The following ADAMTS12 variants were observed in gnomAD, a reference collection of about 807,000 sequenced individuals.
The protein encoded by ADAMTS12 is ADAM metallopeptidase with thrombospondin type 1 motif 12.
In ADAMTS12, 118 loss-of-function variants were observed where a neutral mutation model predicts 167.8. That is an observed-to-expected ratio of 0.70 (90% confidence interval 0.61 to 0.82). The LOEUF (loss-of-function observed/expected upper bound fraction) is 0.82. ADAMTS12 is among the 40% of genes least tolerant of loss of function. The pLI is 0.00. For synonymous variants in ADAMTS12, 704 were observed against 716.9 expected, an observed-to-expected ratio of 0.98 and a Z score of 0.29; for missense variants, 1,916 against 1,998.8, an observed-to-expected ratio of 0.96 and a Z score of 0.79.
intron 2 of ADAMTS12, among the ~76,000 whole-genome samples, chr5:33,776,266 T>C (rs182366131): frequency 1.3e-3 from 193 of 152,244 alleles, no homozygotes; most frequent in Middle Eastern, 6.8e-3. Flanking sequence ...AGCAGCAAAA[T>C]ATATATTCTT....
chr5:33,627,175 G>T (rs887020560), intron 13 of ADAMTS12, among the ~76,000 whole-genome samples: 1 of 148,032 alleles, frequency 6.8e-6, no homozygotes, highest in Admixed American at 6.7e-5. Context: ...GGTAATGGAG[G>T]TAGTGATGAG....
At chr5:33,662,830 C>G (rs564287574) in intron 5 of ADAMTS12, among the ~76,000 whole-genome samples, 9 of 152,202 alleles carry the variant, frequency 5.9e-5, no homozygotes, top group Non-Finnish European at 1.0e-4. Context: ...ATTACTTTCC[C>G]TTGCCTCATT....
At chr5:33,568,621 C>A (rs1390688803) in intron 19 of ADAMTS12, among the ~76,000 whole-genome samples, 1 of 152,158 alleles carries the variant, frequency 6.6e-6, no homozygotes, top group African/African-American at 2.4e-5. Flanking sequence ...CTCATCAGGA[C>A]CACGAAAAGG....
At chr5:33,880,205 T>C (rs1750377282) in intron 2 of ADAMTS12, among the ~76,000 whole-genome samples, 1 of 152,208 alleles carries the variant, frequency 6.6e-6, no homozygotes. Flanking sequence ...CTCCAAACTG[T>C]CTCATCTGCT....
intron 2 of ADAMTS12, among the ~76,000 whole-genome samples, chr5:33,846,656 G>A (rs2253625): frequency 0.034 from 5,110 of 152,178 alleles, 233 homozygotes; most frequent in East Asian, 0.2. Flanking sequence ...GATGGGGGTG[G>A]GGGTAGCTAC....
chr5:33,567,082 T>G (rs1036317269), intron 19 of ADAMTS12, among the ~76,000 whole-genome samples: 1 of 152,204 alleles, frequency 6.6e-6, no homozygotes, highest in African/African-American at 2.4e-5. Context: ...ACATTACTTG[T>G]TGGGCTTTAT....
Position 33,883,079 on chromosome 5 carries a change from C to A in ADAMTS12, c.128-1599G>T, listed in dbSNP as rs547375852. The stretch of plus-strand genomic sequence containing the variant: ...TATTCTCCTAGTGTCCCTGGCTAAA[C>A]TTCTCTCTCCTTTCCCTGAACCCTC... On this transcript the variant is annotated intron_variant, in intron 1 of 23. Transcript: ENST00000504830. 9.8e-5 allele frequency among the ~76,000 whole-genome samples: 15 copies of A among 152,292 alleles called. No individual in the cohort carries two copies. In the South Asian group the frequency reaches 3.1e-3, roughly 32 times the overall value.
intron 16 of ADAMTS12, among the ~76,000 whole-genome samples, chr5:33,604,631 G>C (rs1452848301): frequency 7.0e-6 from 1 of 142,976 alleles, no homozygotes; most frequent in African/African-American, 2.6e-5. Context: ...TTCTAATCAA[G>C]AGCTCAGCCG....
At position 33,595,973 on chromosome 5, in the gene ADAMTS12, C is replaced by T; in HGVS notation, c.2615G>A (p.Gly872Glu). ...CTTTTCATGGCACTTCTTCTGTCTC[C>T]CATTGGGCTGTGTTTCTGGGTCACA... ...TFCDPETQPNGRQKKCHEKAC... is the reference protein window; with the variant it reads ...TFCDPETQPNERQKKCHEKAC... Residue 872 changes from glycine to glutamate, a missense_variant, in exon 17 of 24, where the codon GGG becomes GAG. Transcript: ENST00000504830. 1 of 1,614,114 alleles carries T rather than the reference C, an allele frequency of 6.2e-7. No homozygotes were observed. The highest frequency in any genetic ancestry group is 8.5e-7 in the Non-Finnish European group (1 of 1,179,980).
At chr5:33,762,123 TG>T (rs1745379721) in intron 2 of ADAMTS12, among the ~76,000 whole-genome samples, 1 of 149,726 alleles carries the variant, frequency 6.7e-6, no homozygotes, top group African/African-American at 2.5e-5. Flanking sequence ...ACCTGGGAAA[TG>T]GAGGTTGCAG....
At chr5:33,849,531 T>TAGCAATATATATATATGTATTGCAC (rs1749122891) in intron 2 of ADAMTS12, among the ~76,000 whole-genome samples, 1 of 143,848 alleles carries the variant, frequency 7.0e-6, no homozygotes, top group African/African-American at 2.6e-5. Flanking sequence ...ATGTATTGCA[T>TAGCAATATATATATATGTATTGCAC]AGCAATATAT....
intron 5 of ADAMTS12, among the ~76,000 whole-genome samples, chr5:33,675,271 G>C (rs534436838): frequency 1.1e-4 from 17 of 152,308 alleles, no homozygotes; most frequent in Non-Finnish European, 2.1e-4. Context: ...TCAAGCAGTA[G>C]TGAGAACCAC....
intron 20 of ADAMTS12, among the ~76,000 whole-genome samples, chr5:33,558,186 A>C (rs1387510156): frequency 6.6e-6 from 1 of 152,154 alleles, no homozygotes; most frequent in Non-Finnish European, 1.5e-5. Flanking sequence ...TTTTGTAGAG[A>C]TCACAAAACT....
intron 2 of ADAMTS12, among the ~76,000 whole-genome samples, chr5:33,820,866 CATGAA>C (rs1263296281): frequency 6.6e-6 from 1 of 152,114 alleles, no homozygotes; most frequent in Non-Finnish European, 1.5e-5. Flanking sequence ...CAAAGTAATG[CATGAA>C]CAGAAAACCA....
rs202204545 is a variant in ADAMTS12 at position 33,576,790 on chromosome 5, C to T, written c.3236G>A (p.Arg1079His). Residue 1079 changes from arginine (R) to histidine (H), a missense_variant, in exon 19 of 24, where the codon CGC becomes CAC. Transcript: ENST00000504830. ...DSSTQPELSS[R>H]YLISTGSTSQ... The stretch of plus-strand genomic sequence containing the variant: ...AGTGCTTCCAGTGGAAATGAGATAG[C>T]GAGAGCTCAGCTCAGGTTGGGTTGA... 8.2e-5 allele frequency: 132 copies of T among 1,614,072 alleles called. No individual in the cohort carries two copies. The highest frequency in any genetic ancestry group is 2.5e-4 in the Admixed American group (15 of 59,998).
intron 2 of ADAMTS12, among the ~76,000 whole-genome samples, chr5:33,779,465 C>G (rs1358623243): frequency 6.6e-6 from 1 of 152,154 alleles, no homozygotes; most frequent in African/African-American, 2.4e-5. Flanking sequence ...GGATTACAGG[C>G]ATGAGCCGTC....
intron 2 of ADAMTS12, among the ~76,000 whole-genome samples, chr5:33,860,171 T>C (rs905159115): frequency 1.3e-5 from 2 of 152,220 alleles, no homozygotes; most frequent in African/African-American, 2.4e-5. Flanking sequence ...CTTTGATGAA[T>C]TGACAAAAGT....
intron 13 of ADAMTS12, among the ~76,000 whole-genome samples, chr5:33,627,130 T>TGTGGTG (rs372666390): frequency 7.5e-6 from 1 of 133,012 alleles, no homozygotes; most frequent in Admixed American, 7.5e-5. Context: ...GTGGTGGTGA[T>TGTGGTG]GTGGTGGTGG....
chr5:33,764,836 G>A (rs1380479270), intron 2 of ADAMTS12, among the ~76,000 whole-genome samples: 1 of 151,424 alleles, frequency 6.6e-6, no homozygotes, highest in Non-Finnish European at 1.5e-5. Flanking sequence ...GGCCCAAATT[G>A]ACCAGGCATC....
Sources: allele counts gnomAD v4.1 joint callset (sites outside exome capture counted in the v4.1 genomes callset), GRCh38; gene constraint gnomAD v4.1.1; transcripts MANE v1.5; gene names NCBI Gene and HGNC (gene_info 2026-07-23, HGNC 2026-07-21).